Variants in ZCWPW2 observed in about 807,000 individuals in gnomAD.
The protein encoded by ZCWPW2 is zinc finger CW-type and PWWP domain containing 2, also known as zinc finger CW-type PWWP domain protein 2.
ZCWPW2 carries 45 observed loss-of-function variants against 46.6 expected under a neutral mutation model. The ratio of observed to expected loss-of-function variants is 0.96; its 90% confidence interval spans 0.76 to 1.24. ZCWPW2 has a LOEUF of 1.24. ZCWPW2 is among the 50% of genes most tolerant of loss of function. ZCWPW2 has a pLI of 0.00. For synonymous variants in ZCWPW2, 152 were observed against 137.1 expected (o/e 1.11, Z -0.76); for missense variants, 429 against 403.9 (o/e 1.06, Z -0.53).
chr3:28,460,297 G>A (rs1035396875), intron 4 of ZCWPW2, among the ~76,000 whole-genome samples: 6 of 149,482 alleles, frequency 4.0e-5, no homozygotes, highest in Non-Finnish European at 8.9e-5. Context: ...ACTTTCCAGT[G>A]GCATGAAGAG....
chr3:28,356,495 C>T (rs1704736588), intron 1 of ZCWPW2, among the ~76,000 whole-genome samples: 1 of 152,194 alleles, frequency 6.6e-6, no homozygotes, highest in Non-Finnish European at 1.5e-5. Context: ...CCAGCCATCC[C>T]ATTACTGGGT....
chr3:28,427,239 T>C (rs1054142813), intron 3 of ZCWPW2, among the ~76,000 whole-genome samples: 3 of 152,212 alleles, frequency 2.0e-5, no homozygotes, highest in Non-Finnish European at 4.4e-5. Context: ...GAAATGGAAG[T>C]GCACAATGCA....
chr3:28,357,423 A>G (rs1234747925), intron 1 of ZCWPW2, among the ~76,000 whole-genome samples: 1 of 152,130 alleles, frequency 6.6e-6, no homozygotes, highest in Admixed American at 6.6e-5. Flanking sequence ...TTGGTTAAAC[A>G]TTATTTTTGG....
intron 5 of ZCWPW2, among the ~76,000 whole-genome samples, chr3:28,487,188 AT>A (rs1559525595): frequency 1.3e-5 from 2 of 151,138 alleles, no homozygotes; most frequent in African/African-American, 4.9e-5. Context: ...ATTGTGTCAA[AT>A]TTTTTTTTGT....
chr3:28,384,156 A>G (rs1376313075), intron 1 of ZCWPW2, among the ~76,000 whole-genome samples: 4 of 152,012 alleles, frequency 2.6e-5, no homozygotes. Context: ...GATTATCTCT[A>G]CTTCTGTGTT....
At chr3:28,366,725 C>G (rs965649572) in intron 1 of ZCWPW2, among the ~76,000 whole-genome samples, 15 of 152,250 alleles carry the variant, frequency 9.9e-5, no homozygotes, top group African/African-American at 2.9e-4. Flanking sequence ...ATGGTACCAG[C>G]TCCTCCTTGT....
intron 8 of ZCWPW2, 118 bp downstream of exon 8, chr3:28,515,739 GTGTGTGTATACACA>G: frequency 2.1e-4 from 169 of 786,894 alleles, no homozygotes; most frequent in South Asian, 3.8e-4. Context: ...GTGTGTGTGT[GTGTGTGTATACACA>G]TATATACATG....
intron 4 of ZCWPW2, among the ~76,000 whole-genome samples, chr3:28,452,389 A>T (rs890175222): frequency 1.3e-5 from 2 of 152,122 alleles, no homozygotes; most frequent in African/African-American, 4.8e-5. Context: ...AGTTCAAGCG[A>T]TTCTCCTGCC....
At chr3:28,412,470 A>G (rs1222423067) in intron 2 of ZCWPW2, among the ~76,000 whole-genome samples, 2 of 152,080 alleles carry the variant, frequency 1.3e-5, no homozygotes, top group Non-Finnish European at 1.5e-5. Context: ...GTCATGCAAT[A>G]TATATACTCA....
chr3:28,391,771 GAAA>G (rs1203766407), intron 2 of ZCWPW2, among the ~76,000 whole-genome samples: 1 of 152,072 alleles, frequency 6.6e-6, no homozygotes, highest in Non-Finnish European at 1.5e-5. Context: ...CCCAGAGAGG[GAAA>G]TGCTTTTGGG....
intron 4 of ZCWPW2, among the ~76,000 whole-genome samples, chr3:28,467,053 A>T (rs1698850905): frequency 6.6e-6 from 1 of 152,226 alleles, no homozygotes; most frequent in South Asian, 2.1e-4. Flanking sequence ...GCAATATGGT[A>T]CTAATAGTGA....
intron 2 of ZCWPW2, among the ~76,000 whole-genome samples, chr3:28,411,209 A>G (rs2125738950): frequency 6.6e-6 from 1 of 152,094 alleles, no homozygotes; most frequent in African/African-American, 2.4e-5. Context: ...GAATACAAAT[A>G]TAGTTTATTA....
Position 28,371,534 on chromosome 3 carries a change from C to T in ZCWPW2, c.-133-18964C>T, listed in dbSNP as rs192000161. ...ATCAGCTTGGTATAGTGGCTCATGCCTGCAATCCCAGCTACTCAGAAGTCT... is the reference window on the plus strand; with the variant it reads ...ATCAGCTTGGTATAGTGGCTCATGCTTGCAATCCCAGCTACTCAGAAGTCT... On this transcript the variant is annotated intron_variant, in intron 1 of 9. Coordinates refer to ENST00000383768, the MANE Select transcript of ZCWPW2 (RefSeq NM_001040432.4). Among the ~76,000 whole-genome samples the T allele has an allele frequency of 3.3e-5, 5 of 152,230 alleles. No individual in the cohort carries two copies. In the East Asian group the frequency reaches 9.7e-4, roughly 29 times the overall value.
At position 28,407,616 on chromosome 3, in the gene ZCWPW2, T is replaced by C. The variant is rs918738994; in HGVS notation, c.-13-5440T>C. On this transcript the variant is annotated intron_variant, in intron 2 of 9. Coordinates refer to ENST00000383768, the MANE Select transcript of ZCWPW2 (RefSeq NM_001040432.4). ...AGTGGTAGAGTTGTCTGGCTGAAAA[T>C]TGAGTGTCCATAACCATTCATATAC... 2.0e-5 allele frequency among the ~76,000 whole-genome samples: 3 copies of C among 152,270 alleles called. No homozygotes were observed. The South Asian group carries it at 6.2e-4, about 32-fold the overall frequency.
At chr3:28,512,428 A>G (rs1416104408) in intron 6 of ZCWPW2, among the ~76,000 whole-genome samples, 3 of 151,572 alleles carry the variant, frequency 2.0e-5, no homozygotes, top group Non-Finnish European at 4.4e-5. Flanking sequence ...CTGATAATCA[A>G]CCTGCCTTGG....
chr3:28,466,902 A>C (rs1188344563), intron 4 of ZCWPW2, among the ~76,000 whole-genome samples: 1 of 152,208 alleles, frequency 6.6e-6, no homozygotes, highest in East Asian at 1.9e-4. Context: ...AGTTCTCCTT[A>C]AATTAATTTA....
intron 2 of ZCWPW2, among the ~76,000 whole-genome samples, chr3:28,412,724 T>C (rs139078220): frequency 6.6e-6 from 1 of 152,200 alleles, no homozygotes; most frequent in Non-Finnish European, 1.5e-5. Flanking sequence ...TTAGCTGTTA[T>C]CATGGGAAAA....
intron 2 of ZCWPW2, among the ~76,000 whole-genome samples, chr3:28,392,710 C>A (rs1201822119): frequency 1.3e-5 from 2 of 151,602 alleles, no homozygotes; most frequent in Non-Finnish European, 1.5e-5. Flanking sequence ...CCTGCACAAC[C>A]AATGGCTCAC....
intron 1 of ZCWPW2, among the ~76,000 whole-genome samples, chr3:28,349,541 G>C (rs1374679335): frequency 6.6e-6 from 1 of 152,172 alleles, no homozygotes; most frequent in Non-Finnish European, 1.5e-5. Context: ...TATGGAATGA[G>C]AGACAGGGAG....
Sources: allele counts gnomAD v4.1 joint callset (sites outside exome capture counted in the v4.1 genomes callset), GRCh38; gene constraint gnomAD v4.1.1; transcripts MANE v1.5; gene names NCBI Gene and HGNC (gene_info 2026-07-23, HGNC 2026-07-21).